Variants in PARD3B observed in about 807,000 individuals in gnomAD.
The protein encoded by PARD3B is partitioning defective 3 homolog B.
Under a neutral mutation model 130.2 loss-of-function variants are expected in PARD3B, and 103 were observed. The ratio of observed to expected loss-of-function variants is 0.79; its 90% CI spans 0.67 to 0.93. PARD3B has a LOEUF of 0.93. Ranked by LOEUF, PARD3B falls within the 40% of genes least tolerant of loss-of-function variation. PARD3B has a pLI of 0.00. For missense variants in PARD3B, 1,609 were observed against 1,499.2 expected, an observed-to-expected ratio of 1.07 and a Z score of -1.21; for synonymous variants, 583 against 553.2, an observed-to-expected ratio of 1.05 and a Z score of -0.76.
chr2:205,402,687 T>C (rs1301010531), intron 19 of PARD3B, among the ~76,000 whole-genome samples: 1 of 152,220 alleles, frequency 6.6e-6, no homozygotes, highest in Non-Finnish European at 1.5e-5. Context: ...AAAGCTGAGC[T>C]GTAAATTCAC....
At chr2:205,507,086 A>C (rs1396752631) in intron 21 of PARD3B, among the ~76,000 whole-genome samples, 1 of 151,858 alleles carries the variant, frequency 6.6e-6, no homozygotes, top group Non-Finnish European at 1.5e-5. Flanking sequence ...TCTGTAGATC[A>C]GGAAACATCC....
chr2:204,833,300 C>T (rs995933512), intron 2 of PARD3B, among the ~76,000 whole-genome samples: 1 of 151,912 alleles, frequency 6.6e-6, no homozygotes, highest in African/African-American at 2.4e-5. Flanking sequence ...TTTCTCACAC[C>T]ATTGAAAAAA....
At chr2:205,260,664 G>A (rs1408825041) in intron 16 of PARD3B, among the ~76,000 whole-genome samples, 1 of 152,080 alleles carries the variant, frequency 6.6e-6, no homozygotes, top group Non-Finnish European at 1.5e-5. Context: ...CAGTTTAATT[G>A]ATTGGGAGAA....
intron 19 of PARD3B, among the ~76,000 whole-genome samples, chr2:205,435,291 G>C (rs2047475296): frequency 6.6e-6 from 1 of 151,918 alleles, no homozygotes; most frequent in Non-Finnish European, 1.5e-5. Context: ...TATAGGAATA[G>C]TATGACCCTA....
rs1325016495 is a variant in PARD3B, at chr2:205,187,186, C to T, written c.2024+1323C>T. On this transcript the variant is annotated intron_variant, in intron 14 of 22. Coordinates refer to ENST00000406610, the MANE Select transcript of PARD3B (RefSeq NM_001302769.2). The surrounding 1 kb of genome is among the most constrained non-coding windows in gnomAD (Gnocchi z 4.9). The stretch of plus-strand genomic sequence containing the variant: ...GGTAAAAGTGTCATTTGAGCTGAAC[C>T]CTAACTCATGAATAGCAGGTGGACA... Among the ~76,000 whole-genome samples the T allele has an allele frequency of 6.6e-6, 1 of 152,082 alleles. No homozygotes were observed. The highest frequency in any genetic ancestry group is 2.4e-5 in the African/African-American group (1 of 41,402).
chr2:204,562,937 G>A lies in PARD3B; in HGVS notation c.120+16818G>A, dbSNP rs111289571. Among the ~76,000 whole-genome samples the A allele has an allele frequency of 5.7e-4, 86 of 152,174 alleles. 1 individual carries two copies. Among genetic ancestry groups the A allele is most frequent in the Middle Eastern group, 6.8e-3 (2 of 294 alleles). ...AGGGCCACTTGGGAAATGCAGCTGT[G>A]GGTCGTAAGGAGTCCCTCACTCTAT... is the stretch of plus-strand genomic sequence containing the variant. On this transcript the variant is annotated intron_variant, in intron 1 of 22. Coordinates refer to ENST00000406610, the MANE Select transcript of PARD3B (RefSeq NM_001302769.2).
intron 22 of PARD3B, among the ~76,000 whole-genome samples, chr2:205,570,672 G>A (rs754567332): frequency 2.6e-5 from 4 of 152,086 alleles, no homozygotes; most frequent in Non-Finnish European, 2.9e-5. Flanking sequence ...CATCCTCCTC[G>A]CTCCCACCCA....
rs181240901 is a variant in PARD3B at position 204,633,529 on chromosome 2, T to A, written c.121-52652T>A. On this transcript the variant is annotated intron_variant, in intron 1 of 22. Transcript: ENST00000406610. ...TGCCTCTTTTTTTACTTTTTAAAAA[T>A]TTAGCTGGGCACGGTGGCTCACACC... Among the ~76,000 whole-genome samples, 6 of 152,210 alleles carry A rather than the reference T, an allele frequency of 3.9e-5. No homozygotes were observed. The East Asian group carries it at 1.2e-3, about 29-fold the overall frequency.
At chr2:204,996,403 G>A (rs1206361059) in intron 3 of PARD3B, among the ~76,000 whole-genome samples, 2 of 152,134 alleles carry the variant, frequency 1.3e-5, no homozygotes, top group Non-Finnish European at 2.9e-5. Context: ...AGGGGTCAGG[G>A]GTCAGGGACC....
At chr2:205,320,634 A>G (rs2042721951) in intron 18 of PARD3B, among the ~76,000 whole-genome samples, 1 of 152,222 alleles carries the variant, frequency 6.6e-6, no homozygotes, top group African/African-American at 2.4e-5. Context: ...TTTGTGAATT[A>G]TGATTTATGG....
intron 3 of PARD3B, among the ~76,000 whole-genome samples, chr2:205,001,337 A>G (rs1190225926): frequency 1.3e-5 from 2 of 152,078 alleles, no homozygotes; most frequent in Admixed American, 6.5e-5. Flanking sequence ...GCTAGAACCC[A>G]CTCTAGGGAT....
At chr2:205,135,606 C>A (rs1400108831) in intron 10 of PARD3B, among the ~76,000 whole-genome samples, 2 of 145,484 alleles carry the variant, frequency 1.4e-5, no homozygotes, top group South Asian at 2.1e-4. Flanking sequence ...GCTGGTAAAA[C>A]AGAGATAGAC....
At chr2:205,423,425 A>C (rs1181378763) in intron 19 of PARD3B, among the ~76,000 whole-genome samples, 1 of 152,178 alleles carries the variant, frequency 6.6e-6, no homozygotes, top group Non-Finnish European at 1.5e-5. Context: ...CATCTAGCCT[A>C]GTGCAGTTCT....
chr2:205,152,271 C>T (rs1180804061), intron 10 of PARD3B, among the ~76,000 whole-genome samples: 1 of 152,052 alleles, frequency 6.6e-6, no homozygotes, highest in African/African-American at 2.4e-5. Flanking sequence ...ATCTTTGTGG[C>T]GTTCTCTGTA....
At chr2:204,837,744 A>G (rs2044100242) in intron 2 of PARD3B, among the ~76,000 whole-genome samples, 1 of 152,136 alleles carries the variant, frequency 6.6e-6, no homozygotes, top group Admixed American at 6.5e-5. Flanking sequence ...GGCAGCTCTA[A>G]TCATTTCGAA....
chr2:205,450,256 T>C lies in PARD3B; in HGVS notation c.3044+9584T>C, dbSNP rs530939121. On this transcript the variant is annotated intron_variant, in intron 20 of 22. Transcript: ENST00000406610. ...AAATATAACTATTGAGGAAGGTTATTGATTGTATCTAGCTGTTGACCATTT... is the reference window on the plus strand; with the variant it reads ...AAATATAACTATTGAGGAAGGTTATCGATTGTATCTAGCTGTTGACCATTT... Among the ~76,000 whole-genome samples, 307 of 152,222 alleles carry C rather than the reference T, an allele frequency of 2.0e-3. 1 individual carries two copies. The highest frequency in any genetic ancestry group is 5.2e-3 in the Admixed American group (80 of 15,266).
intron 10 of PARD3B, among the ~76,000 whole-genome samples, chr2:205,140,457 A>G (rs1355162165): frequency 4.7e-5 from 3 of 64,040 alleles, no homozygotes; most frequent in East Asian, 6.4e-4. Context: ...CCAGAGAGTG[A>G]AAAAAAAAAA....
chr2:205,047,172 AATAACT>A (rs1698848364), intron 3 of PARD3B, among the ~76,000 whole-genome samples: 1 of 152,204 alleles, frequency 6.6e-6, no homozygotes, highest in Non-Finnish European at 1.5e-5. Context: ...AAATGGCAGT[AATAACT>A]ATACTTCCAG....
At position 205,215,043 on chromosome 2, in the gene PARD3B, A is replaced by G. The variant is rs114787530; in HGVS notation, c.2140+21723A>G. On this transcript the variant is annotated intron_variant, in intron 15 of 22. Transcript: ENST00000406610. ...AATGGATTGGGAATATCATATCTGT[A>G]AAAGAAGTTAATAGCCTTAAATTGT... is the stretch of plus-strand genomic sequence containing the variant. Among the ~76,000 whole-genome samples, 223 of 152,210 alleles carry G rather than the reference A, an allele frequency of 1.5e-3. 1 individual carries two copies. The highest frequency in any genetic ancestry group is 6.8e-3 in the Middle Eastern group (2 of 294).
Sources: allele counts gnomAD v4.1 joint callset (sites outside exome capture counted in the v4.1 genomes callset), GRCh38; gene constraint gnomAD v4.1.1; non-coding constraint Gnocchi (gnomAD v3.1); transcripts MANE v1.5; gene names NCBI Gene and HGNC (gene_info 2026-07-23, HGNC 2026-07-21).